OPHN1: variants seen among roughly 807,000 people sequenced by gnomAD.
The protein encoded by OPHN1 is oligophrenin 1.
OPHN1 carries 11 observed loss-of-function variants against 60.7 expected under a neutral mutation model. That is an observed-to-expected ratio of 0.18 (90% confidence interval 0.11 to 0.30). The LOEUF is 0.30. OPHN1 is among the 10% of genes least tolerant of loss of function. OPHN1 has a pLI of 1.00. For missense variants in OPHN1, 449 were observed against 611.0 expected (o/e 0.73, Z 2.80); for synonymous variants, 226 against 222.6 (o/e 1.02, Z -0.14).
At chrX:68,194,685 C>A (rs2077503018) in intron 12 of OPHN1, among the ~76,000 whole-genome samples, 187 bp from the exon 13 acceptor site, 1 of 111,445 alleles carries the variant, frequency 9.0e-6, no homozygotes, top group Non-Finnish European at 1.9e-5. Flanking sequence ...AATACTTGAA[C>A]AGGCCAGGCG....
intron 6 of OPHN1, among the ~76,000 whole-genome samples, chrX:68,233,089 C>T (rs899422953): frequency 1.8e-5 from 2 of 110,684 alleles, no homozygotes; most frequent in African/African-American, 3.3e-5. Flanking sequence ...CCACTATGCC[C>T]GGTTAATTTT....
At chrX:68,079,684 C>A (rs897325508) in intron 19 of OPHN1, among the ~76,000 whole-genome samples, 3 of 111,910 alleles carry the variant, frequency 2.7e-5, no homozygotes, top group Admixed American at 1.9e-4. Context: ...CTACTGGTTT[C>A]TATACCAATA....
At chrX:68,207,171 C>T (rs2077563439) in intron 9 of OPHN1, among the ~76,000 whole-genome samples, 1 of 107,225 alleles carries the variant, frequency 9.3e-6, no homozygotes, top group Admixed American at 1.0e-4. Flanking sequence ...TTCTGTCACC[C>T]AGGCTGGAGT....
intron 2 of OPHN1, among the ~76,000 whole-genome samples, chrX:68,430,842 A>T (rs2078882544): frequency 9.0e-6 from 1 of 111,613 alleles, no homozygotes; most frequent in Non-Finnish European, 1.9e-5. Flanking sequence ...AAATTGAAAA[A>T]AAAAGAAAGA....
chrX:68,266,452 A>C (rs924880434), intron 5 of OPHN1, among the ~76,000 whole-genome samples: 1 of 111,164 alleles, frequency 9.0e-6, no homozygotes, highest in Non-Finnish European at 1.9e-5. Flanking sequence ...AAGGAGAAAT[A>C]AAATCCTTTA....
chrX:68,312,069 G>A (rs1424340936), intron 2 of OPHN1, among the ~76,000 whole-genome samples: 1 of 106,117 alleles, frequency 9.4e-6, no homozygotes, highest in Non-Finnish European at 1.9e-5. Flanking sequence ...AAGAAAACAG[G>A]AAAATTCACA....
At chrX:68,074,728 A>G (rs777751217) in intron 19 of OPHN1, among the ~76,000 whole-genome samples, 1 of 111,138 alleles carries the variant, frequency 9.0e-6, no homozygotes, top group Non-Finnish European at 1.9e-5. Context: ...ACTTTCTAAC[A>G]TATAACACGT....
Position 68,213,875 on chromosome X carries a change from T to C in OPHN1, c.584A>G (p.Asn195Ser), listed in dbSNP as rs969763753. Residue 195 changes from asparagine (N) to serine (S), a missense_variant, in exon 7 of 25, where the codon AAT becomes AGT. Asn to Ser is a conservative substitution (Grantham distance 46). Transcript: ENST00000355520. ...IQEVQESKKF[N>S]IVEPVLAFLH... The stretch of plus-strand genomic sequence containing the variant: ...GAGAAAACTTACAGGCTCCACAATA[T>C]TGAACTTCTTGGACTCCTGAACTTC... 5 of 1,184,562 alleles carry C rather than the reference T, an allele frequency of 4.2e-6. No individual in the cohort carries two copies. The African/African-American group carries it at 7.1e-5, about 17-fold the overall frequency.
intron 2 of OPHN1, among the ~76,000 whole-genome samples, chrX:68,359,328 C>T (rs1293965192): frequency 9.0e-6 from 1 of 111,664 alleles, no homozygotes; most frequent in Non-Finnish European, 1.9e-5. Flanking sequence ...ATCTCATACT[C>T]ATGGGTTTTA....
intron 2 of OPHN1, among the ~76,000 whole-genome samples, chrX:68,423,391 T>C (rs903151638): frequency 1.8e-5 from 2 of 110,679 alleles, no homozygotes; most frequent in African/African-American, 6.6e-5. Context: ...TAAAGGAAGA[T>C]ATAGGTATAT....
chrX:68,053,422 A>C (rs750843455), intron 22 of OPHN1, among the ~76,000 whole-genome samples: 1 of 111,926 alleles, frequency 8.9e-6, no homozygotes, highest in East Asian at 2.8e-4. Context: ...TGGGTCTCCT[A>C]GCAGGTACTA....
intron 16 of OPHN1, among the ~76,000 whole-genome samples, chrX:68,115,538 G>A (rs2077123386): frequency 8.9e-6 from 1 of 112,201 alleles, no homozygotes; most frequent in South Asian, 3.7e-4. Flanking sequence ...TATCAAAGAA[G>A]GCTTGTTAAC....
chrX:68,191,581 T>C (rs1175200960), intron 15 of OPHN1, among the ~76,000 whole-genome samples: 2 of 112,040 alleles, frequency 1.8e-5, no homozygotes, highest in Non-Finnish European at 3.8e-5. Flanking sequence ...CTCCTGCATG[T>C]AGTTATTGAG....
intron 2 of OPHN1, among the ~76,000 whole-genome samples, chrX:68,371,276 GGCGTTATGACGGCTCACTGAAGCCT>G (rs2078527591): frequency 9.4e-6 from 1 of 106,450 alleles, no homozygotes; most frequent in Admixed American, 1.0e-4. Context: ...GGAGTGCAGT[GGCGTTATGACGGCTCACTGAAGCCT>G]CAACCTCCCA....
At chrX:68,364,827 C>A (rs2078490309) in intron 2 of OPHN1, among the ~76,000 whole-genome samples, 1 of 112,367 alleles carries the variant, frequency 8.9e-6, no homozygotes, top group South Asian at 3.7e-4. Flanking sequence ...TATTGGACTG[C>A]ACCATGCTAG....
At chrX:68,218,582 C>A (rs1211737029) in intron 6 of OPHN1, among the ~76,000 whole-genome samples, 1 of 110,447 alleles carries the variant, frequency 9.1e-6, no homozygotes, top group Admixed American at 9.6e-5. Flanking sequence ...GCGGATCTTT[C>A]GGCAGAAACC....
At chrX:68,097,149 A>G in intron 18 of OPHN1, 120 bp from the exon 19 acceptor site, 1 of 610,655 alleles carries the variant, frequency 1.6e-6, no homozygotes. Context: ...AGGAGCACCT[A>G]AAGTATGTAT....
At chrX:68,184,255 C>T (rs1171069107) in intron 15 of OPHN1, among the ~76,000 whole-genome samples, 1 of 112,104 alleles carries the variant, frequency 8.9e-6, no homozygotes, top group Non-Finnish European at 1.9e-5. Flanking sequence ...GGCGCTGTGG[C>T]TCATGCCTGT....
chrX:68,341,848 A>G (rs760497073), intron 2 of OPHN1, among the ~76,000 whole-genome samples: 3 of 111,146 alleles, frequency 2.7e-5, no homozygotes, highest in South Asian at 7.7e-4. Context: ...AAAAAAGAAA[A>G]AAGAAAAGAA....
Sources: gnomAD v4.1 joint callset for allele counts (sites outside exome capture counted in the v4.1 genomes callset) on GRCh38, gnomAD v4.1.1 for gene constraint, MANE v1.5 for transcripts, NCBI Gene and HGNC (gene_info 2026-07-23, HGNC 2026-07-21) for gene names.